The following RCC1 variants were observed in gnomAD, a reference collection of about 807,000 sequenced individuals.
RCC1 encodes the protein regulator of chromosome condensation 1, also known as regulator of chromosome condensation.
Under a neutral mutation model 44.4 loss-of-function variants are expected in RCC1, and 11 were observed. The ratio of observed to expected loss-of-function variants is 0.25; its 90% CI spans 0.16 to 0.41. RCC1 has a LOEUF of 0.41. Among genes scored for constraint, RCC1 ranks in the 10% least tolerant of loss-of-function variants. RCC1 has a pLI of 1.00. For missense variants in RCC1, 386 were observed against 547.1 expected, an observed-to-expected ratio of 0.71 and a Z score of 2.94; for synonymous variants, 213 against 216.5, an observed-to-expected ratio of 0.98 and a Z score of 0.14.
chr1:28,530,871 C>T (rs1664110180), intron 5 of RCC1, among the ~76,000 whole-genome samples: 1 of 152,194 alleles, frequency 6.6e-6, no homozygotes, highest in Non-Finnish European at 1.5e-5. Context: ...GGGAGCTGAA[C>T]TTATTCACTG....
In RCC1 at chr1:28,531,160, C is replaced by T. The variant is rs575231396; in HGVS notation, c.74-643C>T. 1.9e-3 allele frequency among the ~76,000 whole-genome samples: 289 copies of T among 151,594 alleles called. 1 individual carries two copies. The highest frequency in any genetic ancestry group is 6.5e-3 in the African/African-American group (268 of 41,300). ...AGAGGAATCGCTTGAACCCGGGAGG[C>T]AGAGGTTGCAATTAGCCAAGATCCA... is the stretch of plus-strand genomic sequence containing the variant. On this transcript the variant is annotated intron_variant, in intron 5 of 12. Transcript: ENST00000683442.
intron 4 of RCC1, among the ~76,000 whole-genome samples, chr1:28,522,151 G>C (rs1052146749): frequency 6.6e-6 from 1 of 152,174 alleles, no homozygotes; most frequent in Non-Finnish European, 1.5e-5. Context: ...CCAAAAGTCT[G>C]TCCCAGTTTC....
At chr1:28,520,477 G>GC (rs1163403529) in intron 4 of RCC1, among the ~76,000 whole-genome samples, 14 of 152,306 alleles carry the variant, frequency 9.2e-5, no homozygotes, top group African/African-American at 2.9e-4. Context: ...GTGGAGCATG[G>GC]TCATGAGACT....
chr1:28,516,775 GA>G lies in RCC1; in HGVS notation c.-101del. On this transcript the variant is annotated 5_prime_UTR_variant, in exon 4 of 13. It removes the in-frame stop codon of an upstream open reading frame in the 5' UTR. Coordinates refer to ENST00000683442, the MANE Select transcript of RCC1 (RefSeq NM_001381865.2). ...GGAAGACAGCAGAGAGAGAGAGAGA[GA>G]TCAGAGATCCCAGGGTTAAAAGTTG... is the stretch of plus-strand genomic sequence containing the variant. 2.9e-5 allele frequency: 13 copies of G among 455,096 alleles called. No individual in the cohort carries two copies. Among genetic ancestry groups the G allele is most frequent in the Non-Finnish European group, 5.7e-5 (13 of 226,318 alleles). The allele number at this position is 455,096 out of a possible 1,614,324, so 28.2% of individuals were successfully genotyped here.
At chr1:28,515,726 TAA>T (rs1174553742) in intron 3 of RCC1, among the ~76,000 whole-genome samples, 1 of 150,706 alleles carries the variant, frequency 6.6e-6, no homozygotes, top group Non-Finnish European at 1.5e-5. Flanking sequence ...CAAAATAAAA[TAA>T]AAAATACAAA....
In RCC1 at chr1:28,537,959, CG is replaced by C. The variant is rs1553119192; in HGVS notation, c.1223del (p.Gly408AlafsTer7). On this transcript the variant is annotated frameshift_variant, in exon 13 of 13. Transcript: ENST00000683442. LOFTEE classifies it high-confidence loss of function. ...ENRVVLSVSS[G>X]GQHTVLLVKD... is the part of the protein sequence containing the mutation. ...ACCGTGTGGTCTTATCTGTGTCCAGCGGGGGCCAGCATACAGTCTTATTAGT... is the reference window on the plus strand; with the variant it reads ...ACCGTGTGGTCTTATCTGTGTCCAGCGGGGCCAGCATACAGTCTTATTAGT... 6.2e-7 allele frequency: 1 copy of C among 1,613,708 alleles called. No individual in the cohort carries two copies. Among genetic ancestry groups the C allele is most frequent in the Non-Finnish European group, 8.5e-7 (1 of 1,179,934 alleles).
At chr1:28,530,633 G>A (rs1207895122) in intron 5 of RCC1, 1 of 1,587,410 alleles carries the variant, frequency 6.3e-7, no homozygotes, top group Non-Finnish European at 8.5e-7. Context: ...CGCGCCCGGG[G>A]CGCCCTCTGT....
chr1:28,534,142 T>A (rs1180646053), intron 7 of RCC1, among the ~76,000 whole-genome samples: 1 of 151,902 alleles, frequency 6.6e-6, no homozygotes, highest in East Asian at 2.0e-4. Context: ...CCTCCCAGAG[T>A]GCTGGATTGC....
At chr1:28,508,584 C>G (rs934471635) in intron 2 of RCC1, 3 of 518,564 alleles carry the variant, frequency 5.8e-6, no homozygotes, top group African/African-American at 1.9e-5. Flanking sequence ...TGGGAGGTCA[C>G]TCTCCCCAGG....
At position 28,533,645 on chromosome 1, in the gene RCC1, C is replaced by G. The variant is rs1480429652; in HGVS notation, c.441+1295C>G. On this transcript the variant is annotated intron_variant, in intron 7 of 12. Coordinates refer to ENST00000683442, the MANE Select transcript of RCC1 (RefSeq NM_001381865.2). Reference sequence around the variant, plus strand: ...ATTAGCTGGACATGGTGGTGCATGCCTGTAATCCCAGCTACTCGGGAGGCT... The same window carrying G: ...ATTAGCTGGACATGGTGGTGCATGCGTGTAATCCCAGCTACTCGGGAGGCT... 6.8e-5 allele frequency among the ~76,000 whole-genome samples: 10 copies of G among 146,988 alleles called. No individual in the cohort carries two copies. In the East Asian group the frequency reaches 1.7e-3, roughly 24 times the overall value.
chr1:28,531,903 G>T lies in RCC1; in HGVS notation c.174G>T (p.Lys58Asn). ...LGLGENVMERKKPALVSIPED... is the reference protein window; with the variant it reads ...LGLGENVMERNKPALVSIPED... ...TGGGTGAGAATGTGATGGAGAGGAA[G>T]AAGCCGGCCCTGGTATCCATTCCGG... Residue 58 changes from lysine to asparagine, a missense_variant, in exon 6 of 13, where the codon AAG becomes AAT. Transcript: ENST00000683442. 1 of 1,610,042 alleles carries T rather than the reference G, an allele frequency of 6.2e-7. No individual in the cohort carries two copies. The highest frequency in any genetic ancestry group is 8.5e-7 in the Non-Finnish European group (1 of 1,177,978).
rs1664589843 is a variant in RCC1 at position 28,536,895 on chromosome 1, G to A, written c.1086G>A (p.Lys362=). The change falls in exon 12 of 13, where the codon AAG becomes AAA. Residue 362 remains lysine (K), a synonymous_variant. Transcript: ENST00000683442. The surrounding 1 kb of genome is among the most constrained non-coding windows in gnomAD (Gnocchi z 4.9). ...CGASVGYAVT[K]DGRVFAWGMG... ...CCTCTGTGGGGTATGCTGTGACCAA[G>A]GATGGTGAGTGGGGCTGCCTACACT... The A allele has an allele frequency of 4.3e-6, 7 of 1,613,978 alleles. No individual in the cohort carries two copies. Among genetic ancestry groups the A allele is most frequent in the Non-Finnish European group, 5.9e-6 (7 of 1,179,986 alleles).
At chr1:28,506,363 T>C (rs564932856) in intron 1 of RCC1, 3 of 390,092 alleles carry the variant, frequency 7.7e-6, no homozygotes, top group African/African-American at 6.4e-5. Context: ...TTTTGTATTC[T>C]TAGTGGAGAC....
chr1:28,536,363 G>A lies in RCC1; in HGVS notation c.919G>A (p.Val307Ile), dbSNP rs2124670482. Residue 307 changes from valine to isoleucine, a missense_variant, in exon 11 of 13, where the codon GTC becomes ATC. Coordinates refer to ENST00000683442, the MANE Select transcript of RCC1 (RefSeq NM_001381865.2). This position sits in a 1 kb window ranked among gnomAD's most constrained non-coding sequence, Gnocchi z 4.9. ...CTTCTCTGGTGGCCAGCACCATACA[G>A]TCTGCATGGATTCGGAAGGTAGGGC... ...VGFSGGQHHT[V>I]CMDSEGKAYS... 6.2e-7 allele frequency: 1 copy of A among 1,614,014 alleles called. No individual in the cohort carries two copies. Among genetic ancestry groups the A allele is most frequent in the East Asian group, 2.2e-5 (1 of 44,876 alleles).
chr1:28,523,307 C>T (rs1663418387), intron 4 of RCC1, among the ~76,000 whole-genome samples: 1 of 152,116 alleles, frequency 6.6e-6, no homozygotes, highest in Non-Finnish European at 1.5e-5. Context: ...GCGTGAGCCA[C>T]CGCGCCCGGC....
chr1:28,511,348 A>AT (rs978237681), intron 3 of RCC1, among the ~76,000 whole-genome samples: 1 of 151,832 alleles, frequency 6.6e-6, no homozygotes, highest in Non-Finnish European at 1.5e-5. Context: ...ATTAAATAAC[A>AT]TTCTTTTGTG....
intron 3 of RCC1, among the ~76,000 whole-genome samples, chr1:28,514,733 C>T (rs1662783822): frequency 6.6e-6 from 1 of 151,752 alleles, no homozygotes; most frequent in African/African-American, 2.4e-5. Context: ...TGCACTCCAG[C>T]CTGGGCAACA....
chr1:28,508,101 C>G (rs965402043), intron 1 of RCC1, 27 bp from the exon 2 acceptor site: 4 of 441,334 alleles, frequency 9.1e-6, no homozygotes, highest in African/African-American at 8.0e-5. Flanking sequence ...TTTTGCTGTA[C>G]TAATAGATTA....
intron 1 of RCC1, chr1:28,507,653 A>C (rs919620059): frequency 2.5e-6 from 1 of 399,854 alleles, no homozygotes; most frequent in African/African-American, 2.6e-5. Flanking sequence ...CCCAGGCTGG[A>C]GTGCAGTGGC....
Sources: gnomAD v4.1 joint callset for allele counts (sites outside exome capture counted in the v4.1 genomes callset) on GRCh38, gnomAD v4.1.1 for gene constraint, Gnocchi (gnomAD v3.1) non-coding constraint, MANE v1.5 for transcripts, NCBI Gene and HGNC (gene_info 2026-07-23, HGNC 2026-07-21) for gene names.